APPBP2: variants seen among roughly 807,000 people sequenced by gnomAD.
The protein encoded by APPBP2 is amyloid protein-binding protein 2.
Under a neutral mutation model 76.0 loss-of-function variants are expected in APPBP2, and 15 were observed. That is an observed-to-expected ratio of 0.20 (90% CI 0.13 to 0.30). The LOEUF (loss-of-function observed/expected upper bound fraction) is 0.30. APPBP2 is among the 10% of genes least tolerant of loss of function. The pLI is 1.00. For synonymous variants in APPBP2, 222 were observed against 242.2 expected (o/e 0.92, Z 0.77); for missense variants, 401 against 687.2 (o/e 0.58, Z 4.66).
intron 12 of APPBP2, among the ~76,000 whole-genome samples, chr17:60,449,816 G>C (rs556206420): frequency 4.2e-4 from 64 of 150,832 alleles, no homozygotes; most frequent in Admixed American, 1.3e-3. Context: ...TTTTTTTTTG[G>C]AGACGTAGTC....
chr17:60,457,987 T>A (rs1450236685), intron 9 of APPBP2, among the ~76,000 whole-genome samples: 1 of 134,566 alleles, frequency 7.4e-6, no homozygotes, highest in Non-Finnish European at 1.5e-5. Context: ...CTAGATAACA[T>A]CAATTTATGT....
rs2090398793 is a variant in APPBP2 at position 60,451,984 on chromosome 17, T to G, written c.1400A>C (p.Asp467Ala). ...TCCCACTGAAAGGGCTACTTCATAATCTTCTTGACCAAGAAGTTGTTCTTT... is the reference window on the plus strand; with the variant it reads ...TCCCACTGAAAGGGCTACTTCATAAGCTTCTTGACCAAGAAGTTGTTCTTT... ...QIKEQLLGQE[D>A]YEVALSVGHL... Residue 467 changes from aspartate (D) to alanine (A), a missense_variant, in exon 12 of 13, where the codon GAT becomes GCT. Physicochemically the swap from Asp to Ala is moderately radical, Grantham distance 126. Transcript: ENST00000083182. 6.2e-7 allele frequency: 1 copy of G among 1,613,794 alleles called. No individual in the cohort carries two copies.
intron 12 of APPBP2, 40 bp downstream of exon 12, chr17:60,451,840 T>C: frequency 6.5e-7 from 1 of 1,534,300 alleles, no homozygotes; most frequent in Non-Finnish European, 8.9e-7. Flanking sequence ...ACATGTTGAT[T>C]TGTAATCAAC....
chr17:60,522,263 C>T (rs1440435462), intron 1 of APPBP2, among the ~76,000 whole-genome samples: 1 of 152,126 alleles, frequency 6.6e-6, no homozygotes, highest in Non-Finnish European at 1.5e-5. Flanking sequence ...ATCACTTACC[C>T]GCAGCAAATG....
At chr17:60,504,786 C>T (rs1394515808) in intron 1 of APPBP2, among the ~76,000 whole-genome samples, 1 of 152,112 alleles carries the variant, frequency 6.6e-6, no homozygotes, top group Non-Finnish European at 1.5e-5. Flanking sequence ...CTGGGTGACA[C>T]TGAGACTCTT....
rs774357801 is a variant in APPBP2, at chr17:60,494,629, G to T, written c.228-12C>A. ...GATGAAGCAAATGTCTGTAAGAAAA[G>T]AAAAAGATTATTTTATAGAGTTAAT... On this transcript the variant is annotated splice_polypyrimidine_tract_variant and intron_variant, in intron 2 of 12. Coordinates refer to ENST00000083182, the MANE Select transcript of APPBP2 (RefSeq NM_006380.5). 1.8e-5 allele frequency: 28 copies of T among 1,568,108 alleles called. No homozygotes were observed. In the South Asian group the frequency reaches 2.9e-4, roughly 16 times the overall value.
At chr17:60,515,573 C>T (rs1051902853) in intron 1 of APPBP2, among the ~76,000 whole-genome samples, 1 of 152,204 alleles carries the variant, frequency 6.6e-6, no homozygotes, top group Non-Finnish European at 1.5e-5. Flanking sequence ...ATATCTGTCC[C>T]TGCATCGTCA....
intron 1 of APPBP2, among the ~76,000 whole-genome samples, chr17:60,514,952 C>T (rs564055267): frequency 2.0e-5 from 3 of 151,756 alleles, no homozygotes; most frequent in South Asian, 2.1e-4. Flanking sequence ...TACAGGTATC[C>T]GCCACCATGC....
chr17:60,484,617 A>T (rs1275975715), intron 3 of APPBP2, among the ~76,000 whole-genome samples: 2 of 152,236 alleles, frequency 1.3e-5, no homozygotes, highest in Admixed American at 6.5e-5. Flanking sequence ...GCTTAAGGAG[A>T]TTTTGGGCTG....
chr17:60,512,443 G>A (rs911810787), intron 1 of APPBP2, among the ~76,000 whole-genome samples: 3 of 151,822 alleles, frequency 2.0e-5, no homozygotes, highest in South Asian at 2.1e-4. Flanking sequence ...AATTATAAAC[G>A]TGTAATCAGC....
At chr17:60,470,918 G>A (rs578008647) in intron 4 of APPBP2, among the ~76,000 whole-genome samples, 16 of 151,922 alleles carry the variant, frequency 1.1e-4, no homozygotes, top group Admixed American at 1.0e-3. Context: ...AGCCTCCTGA[G>A]TAGCTGGGAT....
Position 60,479,159 on chromosome 17 carries a change from T to C in APPBP2, c.492A>G (p.Glu164=). ...ATGTTCCAACTTACCTCACACAACA[T>C]TCTACTGCACGAAACCAATGAAGCA... ...DEMLHWFRAV[E]CCVRLLHVRN... is the part of the protein sequence containing the mutation. The change falls in exon 4 of 13, where the codon GAA becomes GAG. Residue 164 remains glutamate (E), a synonymous_variant. Transcript: ENST00000083182. The C allele has an allele frequency of 6.2e-7, 1 of 1,611,654 alleles. No homozygotes were observed. Among genetic ancestry groups the C allele is most frequent in the East Asian group, 2.2e-5 (1 of 44,832 alleles).
chr17:60,499,759 A>G (rs2090807197), intron 2 of APPBP2, among the ~76,000 whole-genome samples: 1 of 152,138 alleles, frequency 6.6e-6, no homozygotes, highest in Non-Finnish European at 1.5e-5. Flanking sequence ...TCTGACTTGT[A>G]CTACAACATA....
At chr17:60,474,770 T>G (rs1181785941) in intron 4 of APPBP2, among the ~76,000 whole-genome samples, 4 of 152,180 alleles carry the variant, frequency 2.6e-5, no homozygotes, top group African/African-American at 9.6e-5. Context: ...TTAAGGCCTA[T>G]TACAAATTCT....
At chr17:60,483,200 G>A (rs1219090335) in intron 3 of APPBP2, among the ~76,000 whole-genome samples, 1 of 152,118 alleles carries the variant, frequency 6.6e-6, no homozygotes, top group Non-Finnish European at 1.5e-5. Flanking sequence ...ATTTTTTCAT[G>A]TGTCTGTTGG....
chr17:60,493,440 T>A (rs2090747278), intron 3 of APPBP2, among the ~76,000 whole-genome samples: 1 of 152,180 alleles, frequency 6.6e-6, no homozygotes, highest in Non-Finnish European at 1.5e-5. Context: ...TAAACAATAT[T>A]TTTCTACATG....
chr17:60,519,474 G>T (rs1290407312), intron 1 of APPBP2, among the ~76,000 whole-genome samples: 1 of 151,432 alleles, frequency 6.6e-6, no homozygotes, highest in Non-Finnish European at 1.5e-5. Flanking sequence ...GGTTTTTTTT[G>T]TTGTTATCTC....
chr17:60,461,950 T>C, intron 7 of APPBP2, 35 bp from the exon 8 acceptor site: 1 of 1,607,716 alleles, frequency 6.2e-7, no homozygotes, highest in Non-Finnish European at 8.5e-7. Flanking sequence ...GGATATAAAG[T>C]ATAGAGACAA....
At chr17:60,449,943 TA>T (rs1274338409) in intron 12 of APPBP2, among the ~76,000 whole-genome samples, 1 of 151,120 alleles carries the variant, frequency 6.6e-6, no homozygotes, top group Non-Finnish European at 1.5e-5. Flanking sequence ...ATTACAGGCG[TA>T]CTGTACCACG....
Sources: allele counts gnomAD v4.1 joint callset (sites outside exome capture counted in the v4.1 genomes callset), GRCh38; gene constraint gnomAD v4.1.1; transcripts MANE v1.5; gene names NCBI Gene and HGNC (gene_info 2026-07-23, HGNC 2026-07-21).